Variants in TNFAIP1 observed in about 807,000 individuals in gnomAD.
TNFAIP1 encodes TNF alpha induced protein 1.
TNFAIP1 carries 20 observed loss-of-function variants against 32.6 expected under a neutral mutation model. The observed-to-expected ratio is 0.61, with a 90% confidence interval of 0.43 to 0.89. The LOEUF (loss-of-function observed/expected upper bound fraction) is 0.89. Among genes scored for constraint, TNFAIP1 ranks in the 40% least tolerant of loss-of-function variants. The pLI is 0.00. For synonymous variants in TNFAIP1, 166 were observed against 166.8 expected (o/e 1.00, Z 0.04); for missense variants, 319 against 425.1 (o/e 0.75, Z 2.20).
intron 1 of TNFAIP1, among the ~76,000 whole-genome samples, chr17:28,338,769 C>G (rs782456827): frequency 6.6e-6 from 1 of 151,970 alleles, no homozygotes; most frequent in African/African-American, 2.4e-5. Flanking sequence ...TGGAATCTGA[C>G]TGGTAGATCT....
chr17:28,339,011 G>C (rs1555577729), intron 1 of TNFAIP1, among the ~76,000 whole-genome samples: 1 of 150,190 alleles, frequency 6.7e-6, no homozygotes, highest in Non-Finnish European at 1.5e-5. Flanking sequence ...TGGGCGGATC[G>C]CCTGCGCTCA....
chr17:28,341,379 C>CAG (rs1412389279), intron 4 of TNFAIP1, 25 bp from the exon 5 acceptor site: 2 of 1,614,086 alleles, frequency 1.2e-6, no homozygotes, highest in African/African-American at 2.7e-5. Context: ...CCTGGCCTGG[C>CAG]CCCTCACTCT....
At position 28,340,551 on chromosome 17, in the gene TNFAIP1, CTG is replaced by C; in HGVS notation, c.375+74_375+75del. 3 of 1,550,334 alleles carry C rather than the reference CTG, an allele frequency of 1.9e-6. No homozygotes were observed. Among genetic ancestry groups the C allele is most frequent in the Admixed American group, 3.4e-5 (2 of 58,170 alleles). Reference sequence around the variant, plus strand: ...CCCCCTTCTTGTGGGATGGAGGACTCTGGTTCCTGGCAGGTTGTGTGGGAGGC... The same window carrying C: ...CCCCCTTCTTGTGGGATGGAGGACTCGTTCCTGGCAGGTTGTGTGGGAGGC... On this transcript the variant is annotated intron_variant, in intron 3 of 6. Transcript: ENST00000226225. This position sits in a 1 kb window ranked among gnomAD's most constrained non-coding sequence, Gnocchi z 4.1.
chr17:28,340,182 C>T lies in TNFAIP1; in HGVS notation c.206-127C>T. ...AACCTCCATCCCCGCCTCTGTCACC[C>T]TGCGTAAGGGCTTTGTGCTCGTGGA... On this transcript the variant is annotated intron_variant, in intron 2 of 6. Coordinates refer to ENST00000226225, the MANE Select transcript of TNFAIP1 (RefSeq NM_021137.5). This position sits in a 1 kb window ranked among gnomAD's most constrained non-coding sequence, Gnocchi z 4.1. The T allele has an allele frequency of 1.1e-6, 1 of 943,052 alleles. No individual in the cohort carries two copies. The allele number at this position is 943,052 out of a possible 1,614,324, so 58.4% of individuals were successfully genotyped here.
At chr17:28,336,303 C>T (rs1907153749) in intron 1 of TNFAIP1, among the ~76,000 whole-genome samples, 1 of 152,146 alleles carries the variant, frequency 6.6e-6, no homozygotes, top group African/African-American at 2.4e-5. Flanking sequence ...CCCGGGCATC[C>T]CCAAATATCC....
In TNFAIP1 at chr17:28,346,760, A is replaced by G. The variant is rs1359211100; in HGVS notation, c.*2160A>G. The stretch of plus-strand genomic sequence containing the variant: ...TTTCAACTCCAAGCAGCCCAGGGGT[A>G]AGTAAACAAAGTATGGATGAAGGTC... On this transcript the variant is annotated 3_prime_UTR_variant, in exon 7 of 7. Transcript: ENST00000226225. 1 of 152,224 alleles carries G rather than the reference A, an allele frequency of 6.6e-6. No homozygotes were observed. The highest frequency in any genetic ancestry group is 1.5e-5 in the Non-Finnish European group (1 of 68,046). The allele number at this position is 152,224 out of a possible 1,614,324, so 9.4% of individuals were successfully genotyped here.
chr17:28,338,467 A>G (rs939149057), intron 1 of TNFAIP1, among the ~76,000 whole-genome samples: 1 of 149,248 alleles, frequency 6.7e-6, no homozygotes, highest in Non-Finnish European at 1.5e-5. Flanking sequence ...AGAAAGGGGA[A>G]GGTCAGGAAG....
At position 28,344,898 on chromosome 17, in the gene TNFAIP1, T is replaced by G; in HGVS notation, c.*298T>G. The G allele has an allele frequency of 7.4e-6, 3 of 407,086 alleles. No individual in the cohort carries two copies. The highest frequency in any genetic ancestry group is 1.3e-5 in the Non-Finnish European group (3 of 231,186). The allele number at this position is 407,086 out of a possible 1,614,324, so 25.2% of individuals were successfully genotyped here. The stretch of plus-strand genomic sequence containing the variant: ...ACTGACCCACCTCCTGCTGAGAACC[T>G]TCCCCTAGGCCCTGTGCAGAAGGCT... On this transcript the variant is annotated 3_prime_UTR_variant, in exon 7 of 7. Transcript: ENST00000226225.
In TNFAIP1 at chr17:28,346,205, G is replaced by C. The variant is rs1907555692; in HGVS notation, c.*1605G>C. The C allele has an allele frequency of 6.6e-6, 1 of 152,200 alleles. No homozygotes were observed. Among genetic ancestry groups the C allele is most frequent in the Non-Finnish European group, 1.5e-5 (1 of 68,044 alleles). The allele number at this position is 152,200 out of a possible 1,614,324, so 9.4% of individuals were successfully genotyped here. On this transcript the variant is annotated 3_prime_UTR_variant, in exon 7 of 7. Coordinates refer to ENST00000226225, the MANE Select transcript of TNFAIP1 (RefSeq NM_021137.5). ...GGCATTTTATGTTAGTCACAGTCTT[G>C]AATGTATAAACAGCACTAAGACTCT...
rs1555578053 is a variant in TNFAIP1 at position 28,340,844 on chromosome 17, A to C, written c.375+366A>C. Among the ~76,000 whole-genome samples the C allele has an allele frequency of 6.6e-6, 1 of 152,166 alleles. No individual in the cohort carries two copies. The highest frequency in any genetic ancestry group is 2.4e-5 in the African/African-American group (1 of 41,420). On this transcript the variant is annotated intron_variant, in intron 3 of 6. Coordinates refer to ENST00000226225, the MANE Select transcript of TNFAIP1 (RefSeq NM_021137.5). This position sits in a 1 kb window ranked among gnomAD's most constrained non-coding sequence, Gnocchi z 4.1. ...ACTGCAACTTCTGCCTCCTGGGTTCAAGTGATTCTCGTGATTTGGCCTTCA... is the reference window on the plus strand; with the variant it reads ...ACTGCAACTTCTGCCTCCTGGGTTCCAGTGATTCTCGTGATTTGGCCTTCA...
chr17:28,344,382 C>T lies in TNFAIP1; in HGVS notation c.733C>T (p.Arg245Ter). Residue 245 changes from arginine to a stop codon, truncating the protein, a stop_gained, in exon 7 of 7, where the codon CGA becomes TGA. Transcript: ENST00000226225. LOFTEE classifies it high-confidence loss of function. Reference sequence around the variant, plus strand: ...ACCCCAGGTGGAATTCCCAGAGGCCCGAATCTATGAGGAGACACTCAACGT... The same window carrying T: ...ACCCCAGGTGGAATTCCCAGAGGCCTGAATCTATGAGGAGACACTCAACGT... ...KQTKVEFPEA[R>*]IYEETLNVLL... 4 of 1,613,568 alleles carry T rather than the reference C, an allele frequency of 2.5e-6. No individual in the cohort carries two copies. Among genetic ancestry groups the T allele is most frequent in the South Asian group, 1.1e-5 (1 of 91,076 alleles).
intron 1 of TNFAIP1, among the ~76,000 whole-genome samples, chr17:28,337,207 A>C (rs1301285723): frequency 6.6e-6 from 1 of 152,136 alleles, no homozygotes; most frequent in Non-Finnish European, 1.5e-5. Context: ...TCTTTTCAAA[A>C]TACACTACAA....
intron 6 of TNFAIP1, 21 bp from the exon 7 acceptor site, chr17:28,344,343 C>G: frequency 6.2e-7 from 1 of 1,605,222 alleles, no homozygotes; most frequent in Non-Finnish European, 8.5e-7. Context: ...CTTGCTCCAC[C>G]TTCTTCCTCC....
chr17:28,341,255 C>G lies in TNFAIP1; in HGVS notation c.394C>G (p.Gln132Glu), dbSNP rs782285126. The G allele has an allele frequency of 3.7e-6, 6 of 1,614,176 alleles. No homozygotes were observed. Among genetic ancestry groups the G allele is most frequent in the Non-Finnish European group, 5.1e-6 (6 of 1,180,020 alleles). Residue 132 changes from glutamine to glutamate, a missense_variant, in exon 4 of 7, where the codon CAG becomes GAG. Transcript: ENST00000226225. Reference sequence around the variant, plus strand: ...CGCACAGGACAAGAAGGACTCCTACCAGCCTGTGTGCAACATCCCCATCAT... The same window carrying G: ...CGCACAGGACAAGAAGGACTCCTACGAGCCTGTGTGCAACATCCCCATCAT... The part of the protein sequence containing the change: ...SALQDKKDSY[Q>E]PVCNIPIITS...
intron 5 of TNFAIP1, among the ~76,000 whole-genome samples, chr17:28,341,803 G>A (rs574448252): frequency 2.0e-5 from 3 of 152,286 alleles, no homozygotes; most frequent in East Asian, 1.9e-4. Context: ...ACACTGGGCC[G>A]ATTCCCTCCC....
chr17:28,337,330 C>G (rs901255597), intron 1 of TNFAIP1, among the ~76,000 whole-genome samples: 1 of 152,178 alleles, frequency 6.6e-6, no homozygotes, highest in Non-Finnish European at 1.5e-5. Context: ...CCTTCCCTGA[C>G]TTGACATCAA....
chr17:28,344,232 C>T (rs1356970790), intron 6 of TNFAIP1, 132 bp from the exon 7 acceptor site: 3 of 794,930 alleles, frequency 3.8e-6, no homozygotes, highest in Non-Finnish European at 6.3e-6. Flanking sequence ...GCTGGCTTTC[C>T]CTGGAGACGG....
chr17:28,340,836 C>T lies in TNFAIP1; in HGVS notation c.375+358C>T, dbSNP rs1907336644. ...GTCAGCTCACTGCAACTTCTGCCTC[C>T]TGGGTTCAAGTGATTCTCGTGATTT... is the stretch of plus-strand genomic sequence containing the variant. On this transcript the variant is annotated intron_variant, in intron 3 of 6. Transcript: ENST00000226225. This position sits in a 1 kb window ranked among gnomAD's most constrained non-coding sequence, Gnocchi z 4.1. 6.6e-6 allele frequency among the ~76,000 whole-genome samples: 1 copy of T among 152,182 alleles called. No homozygotes were observed. The highest frequency in any genetic ancestry group is 1.5e-5 in the Non-Finnish European group (1 of 68,028).
In TNFAIP1 at chr17:28,344,623, C is replaced by A. The variant is rs1007003269; in HGVS notation, c.*23C>A. The A allele has an allele frequency of 6.2e-7, 1 of 1,605,940 alleles. No individual in the cohort carries two copies. The highest frequency in any genetic ancestry group is 8.5e-7 in the Non-Finnish European group (1 of 1,177,442). On this transcript the variant is annotated 3_prime_UTR_variant, in exon 7 of 7. Transcript: ENST00000226225. ...TGACCAGACCCTCAGGGAGTCAGGGCACGGGAGGCCCTATCTCCCATCCTG... is the reference window on the plus strand; with the variant it reads ...TGACCAGACCCTCAGGGAGTCAGGGAACGGGAGGCCCTATCTCCCATCCTG...
Sources: allele counts gnomAD v4.1 joint callset (sites outside exome capture counted in the v4.1 genomes callset), GRCh38; gene constraint gnomAD v4.1.1; non-coding constraint Gnocchi (gnomAD v3.1); transcripts MANE v1.5; gene names NCBI Gene and HGNC (gene_info 2026-07-23, HGNC 2026-07-21).